Variants in RABGEF1 observed in about 807,000 individuals in gnomAD.
RABGEF1 encodes the protein RAB guanine nucleotide exchange factor 1.
In RABGEF1, 26 loss-of-function variants were observed where a neutral mutation model predicts 57.3. The ratio of observed to expected loss-of-function variants is 0.45; its 90% CI spans 0.33 to 0.63. The LOEUF is 0.63. Among genes scored for constraint, RABGEF1 ranks in the 20% least tolerant of loss-of-function variants. The pLI is 0.02. For missense variants in RABGEF1, 464 were observed against 607.6 expected (o/e 0.76, Z 2.48); for synonymous variants, 185 against 210.7 (o/e 0.88, Z 1.06).
intron 2 of RABGEF1, among the ~76,000 whole-genome samples, chr7:66,729,082 C>T (rs780753766): frequency 1.3e-5 from 2 of 151,938 alleles, no homozygotes; most frequent in Non-Finnish European, 2.9e-5. Flanking sequence ...TCCCGAGTAG[C>T]TGGGACTACA....
intron 1 of RABGEF1, among the ~76,000 whole-genome samples, chr7:66,743,590 C>T (rs1464151912): frequency 6.6e-6 from 1 of 152,042 alleles, no homozygotes; most frequent in African/African-American, 2.4e-5. Context: ...CAAGCTCCCC[C>T]TCCTGGGTTC....
At chr7:66,728,232 C>T (rs141850345) in intron 2 of RABGEF1, among the ~76,000 whole-genome samples, 2 of 152,290 alleles carry the variant, frequency 1.3e-5, no homozygotes, top group African/African-American at 4.8e-5. Flanking sequence ...CCATCTGCTG[C>T]CTGGGTTCTG....
chr7:66,778,728 C>T (rs1809149452), intron 3 of RABGEF1, among the ~76,000 whole-genome samples: 1 of 152,122 alleles, frequency 6.6e-6, no homozygotes, highest in Non-Finnish European at 1.5e-5. Context: ...AAAAGGGCCC[C>T]TTCAATATTT....
the RABGEF1 span, among the ~76,000 whole-genome samples, chr7:66,657,676 C>T: frequency 2.6e-5 from 4 of 152,076 alleles, no homozygotes; most frequent in East Asian, 1.9e-4. Context: ...CAAAAATTAG[C>T]CAGGCATGGT....
chr7:66,767,925 A>T (rs1002518419), intron 1 of RABGEF1, among the ~76,000 whole-genome samples: 1 of 152,204 alleles, frequency 6.6e-6, no homozygotes, highest in African/African-American at 2.4e-5. Context: ...AGATTCATCA[A>T]AGTTGTTGGG....
At chr7:66,796,749 C>G (rs1413644872) in intron 5 of RABGEF1, 1 of 321,712 alleles carries the variant, frequency 3.1e-6, no homozygotes. Context: ...TGCCACCACA[C>G]CCAGCTAATT....
chr7:66,803,298 C>G (rs1787718834), intron 7 of RABGEF1, among the ~76,000 whole-genome samples: 1 of 152,226 alleles, frequency 6.6e-6, no homozygotes, highest in Admixed American at 6.5e-5. Flanking sequence ...CCCCAGGAAG[C>G]TGACCTCAGG....
chr7:66,794,208 T>A (rs13437991), intron 4 of RABGEF1, among the ~76,000 whole-genome samples: 1 of 42,956 alleles, frequency 2.3e-5, no homozygotes, highest in Admixed American at 1.9e-4. Context: ...CCATGTTTAA[T>A]TTTTTTTTTT....
At chr7:66,803,254 G>A (rs62464652) in intron 7 of RABGEF1, among the ~76,000 whole-genome samples, 5,576 of 152,264 alleles carry the variant, frequency 0.037, 160 homozygotes, top group East Asian at 0.086. Context: ...TCCCCCACAC[G>A]TTGTCTTTCA....
At chr7:66,715,240 G>T (rs1256436953) in intron 2 of RABGEF1, among the ~76,000 whole-genome samples, 1 of 152,056 alleles carries the variant, frequency 6.6e-6, no homozygotes, top group African/African-American at 2.4e-5. Flanking sequence ...TGATTCTCCT[G>T]CTTTAGTCTC....
chr7:66,804,858 C>T (rs1387545117), intron 7 of RABGEF1, among the ~76,000 whole-genome samples: 1 of 152,046 alleles, frequency 6.6e-6, no homozygotes, highest in Non-Finnish European at 1.5e-5. Flanking sequence ...TGAACTTCAG[C>T]CCCCTCATCC....
chr7:66,709,071 G>A (rs528175226), intron 1 of RABGEF1, among the ~76,000 whole-genome samples: 7 of 151,256 alleles, frequency 4.6e-5, no homozygotes, highest in Middle Eastern at 3.4e-3. Context: ...AGGCTAGAGC[G>A]CAATGGCACA....
At chr7:66,689,935 G>A (rs1281063777) in intron 1 of RABGEF1, among the ~76,000 whole-genome samples, 2 of 152,056 alleles carry the variant, frequency 1.3e-5, no homozygotes, top group Admixed American at 6.6e-5. Flanking sequence ...ACATTTAAAG[G>A]AAAATTAATG....
intron 1 of RABGEF1, among the ~76,000 whole-genome samples, chr7:66,762,491 G>A (rs1016013918): frequency 2.0e-5 from 3 of 152,252 alleles, no homozygotes; most frequent in African/African-American, 7.2e-5. Context: ...TCAAGAGGCT[G>A]AGACGAGAGG....
chr7:66,785,640 C>A (rs1007380930), intron 4 of RABGEF1, among the ~76,000 whole-genome samples: 1 of 152,214 alleles, frequency 6.6e-6, no homozygotes, highest in South Asian at 2.1e-4. Flanking sequence ...TTTGGGAGGC[C>A]GAGGCAGGCG....
intron 4 of RABGEF1, among the ~76,000 whole-genome samples, chr7:66,794,852 G>T (rs1813632722): frequency 6.6e-6 from 1 of 152,198 alleles, no homozygotes; most frequent in Non-Finnish European, 1.5e-5. Flanking sequence ...GAAGAAGTCA[G>T]TTAATATAAT....
At chr7:66,803,420 CTCTTT>C (rs1177459935) in intron 7 of RABGEF1, among the ~76,000 whole-genome samples, 1 of 152,228 alleles carries the variant, frequency 6.6e-6, no homozygotes, top group Non-Finnish European at 1.5e-5. Context: ...GCTGCCTTGG[CTCTTT>C]TCTTTTGTGA....
At chr7:66,705,420 G>C (rs546141265) in intron 1 of RABGEF1, among the ~76,000 whole-genome samples, 2 of 133,998 alleles carry the variant, frequency 1.5e-5, no homozygotes, top group African/African-American at 5.6e-5. Flanking sequence ...CTGGGCAACA[G>C]AGCGAAACTC....
intron 3 of RABGEF1, among the ~76,000 whole-genome samples, chr7:66,779,768 G>T (rs149758818): frequency 5.7e-4 from 86 of 151,316 alleles, no homozygotes; most frequent in African/African-American, 2.0e-3. Context: ...GAACTGTAAC[G>T]TGGATGAGGT....
Sources: gnomAD v4.1 joint callset for allele counts (sites outside exome capture counted in the v4.1 genomes callset) on GRCh38, gnomAD v4.1.1 for gene constraint, MANE v1.5 for transcripts, NCBI Gene and HGNC (gene_info 2026-07-23, HGNC 2026-07-21) for gene names.